The following ULK2 variants were observed in gnomAD, a reference collection of about 807,000 sequenced individuals.
ULK2 encodes the protein serine/threonine-protein kinase ULK2.
Under a neutral mutation model 127.5 loss-of-function variants are expected in ULK2, and 76 were observed. The observed-to-expected ratio is 0.60, with a 90% CI of 0.50 to 0.72. ULK2 has a LOEUF of 0.72. Ranked by LOEUF, ULK2 falls within the 30% of genes least tolerant of loss-of-function variation. The pLI is 0.00. For missense variants in ULK2, 1,144 were observed against 1,295.9 expected (o/e 0.88, Z 1.80); for synonymous variants, 452 against 461.9 (o/e 0.98, Z 0.28).
At chr17:19,822,832 G>C (rs539926277) in intron 12 of ULK2, among the ~76,000 whole-genome samples, 32 of 152,032 alleles carry the variant, frequency 2.1e-4, no homozygotes, top group African/African-American at 7.2e-4. Context: ...GACTACAGGC[G>C]CGTGCCACCA....
intron 10 of ULK2, among the ~76,000 whole-genome samples, chr17:19,827,825 G>A (rs183477121): frequency 6.2e-4 from 94 of 151,964 alleles, no homozygotes; most frequent in Admixed American, 3.0e-3. Flanking sequence ...CAGGGGAATC[G>A]CTTGAACCCG....
chr17:19,806,234 A>T (rs1344191069), intron 14 of ULK2, among the ~76,000 whole-genome samples: 1 of 152,082 alleles, frequency 6.6e-6, no homozygotes, highest in Non-Finnish European at 1.5e-5. Context: ...AGAATGTGAA[A>T]GAATAAATGC....
At chr17:19,818,790 CTTTT>C (rs1567699786) in intron 12 of ULK2, among the ~76,000 whole-genome samples, 2 of 126,204 alleles carry the variant, frequency 1.6e-5, no homozygotes, top group East Asian at 2.3e-4. Context: ...CATTTCTTTT[CTTTT>C]TTCTTTTTTT....
chr17:19,824,983 T>G, intron 12 of ULK2, 111 bp downstream of exon 12: 1 of 1,040,932 alleles, frequency 9.6e-7, no homozygotes, highest in Non-Finnish European at 1.4e-6. Flanking sequence ...CTCAGCTACA[T>G]TAGTAAACAT....
intron 10 of ULK2, among the ~76,000 whole-genome samples, chr17:19,826,838 T>C (rs1185347443): frequency 6.6e-6 from 1 of 151,776 alleles, no homozygotes; most frequent in Non-Finnish European, 1.5e-5. Flanking sequence ...GCGCCTGTAG[T>C]CCCAGCTACT....
At chr17:19,802,443 T>C (rs1053435676) in intron 15 of ULK2, among the ~76,000 whole-genome samples, 1 of 152,176 alleles carries the variant, frequency 6.6e-6, no homozygotes, top group African/African-American at 2.4e-5. Flanking sequence ...TATAAGATTA[T>C]GAAAAATAAG....
intron 12 of ULK2, among the ~76,000 whole-genome samples, chr17:19,824,558 G>C (rs968470202): frequency 6.6e-6 from 1 of 151,478 alleles, no homozygotes; most frequent in Non-Finnish European, 1.5e-5. Context: ...AGATGGGAGG[G>C]AACACAGCCA....
chr17:19,776,393 C>T lies in ULK2; in HGVS notation c.3067G>A (p.Glu1023Lys). 1.9e-6 allele frequency: 3 copies of T among 1,600,910 alleles called. No individual in the cohort carries two copies. Among genetic ancestry groups the T allele is most frequent in the South Asian group, 1.1e-5 (1 of 88,524 alleles). ...TGGCAGAGCGCCGACAGTCTTCTCT[C>T]AATACTACATTTATCTAGAAATAAA... ...ENVHKYKCSI[E>K]RRLSALCHST... The change falls in exon 27 of 27, where the codon GAG becomes AAG. Residue 1023 changes from glutamate to lysine, a missense_variant. This residue lies in a region of ULK2 where 913 missense variants were observed against 970.5 expected (regional missense o/e 0.94). Coordinates refer to ENST00000395544, the MANE Select transcript of ULK2 (RefSeq NM_014683.4).
At chr17:19,846,361 CAGGTGTGG>C (rs1399396765) in intron 6 of ULK2, among the ~76,000 whole-genome samples, 1 of 152,118 alleles carries the variant, frequency 6.6e-6, no homozygotes, top group Admixed American at 6.5e-5. Flanking sequence ...ATCATCTGGC[CAGGTGTGG>C]AGGCTCAAAC....
At chr17:19,839,672 A>G (rs2041690317) in intron 9 of ULK2, among the ~76,000 whole-genome samples, 1 of 151,852 alleles carries the variant, frequency 6.6e-6, no homozygotes, top group Non-Finnish European at 1.5e-5. Context: ...AAAAAAAAAA[A>G]AAAAGAAAGA....
intron 24 of ULK2, 71 bp downstream of exon 24, chr17:19,780,915 C>T: frequency 7.3e-7 from 1 of 1,371,540 alleles, no homozygotes; most frequent in South Asian, 1.2e-5. Flanking sequence ...ATCAGACACT[C>T]TCTCACAGTG....
rs139571313 is a variant in ULK2 at position 19,795,713 on chromosome 17, G to A, written c.2010C>T (p.Thr670=). Residue 670 remains threonine (T), a synonymous_variant, in exon 20 of 27, where the codon ACC becomes ACT. Coordinates refer to ENST00000395544, the MANE Select transcript of ULK2 (RefSeq NM_014683.4). ...TTCCTTGTTGATCTGATAACTTCCC[G>A]GTACTGACAGATCTAAAAAGAATAG... ...SKAVFGRSVS[T]GKLSDQQGKT... 4.6e-5 allele frequency: 74 copies of A among 1,613,486 alleles called. No individual in the cohort carries two copies. The highest frequency in any genetic ancestry group is 1.6e-4 in the Middle Eastern group (1 of 6,082).
Position 19,841,510 on chromosome 17 carries a change from T to C in ULK2, c.683A>G (p.Lys228Arg), listed in dbSNP as rs758924461. The change falls in exon 9 of 27, where the codon AAA (lysine) becomes AGA (arginine). Residue 228 changes from lysine to arginine, a missense_variant. Lys to Arg is a conservative substitution (Grantham distance 26, BLOSUM62 2). This residue lies in a region of ULK2 where 231 missense variants were observed against 325.4 expected (regional missense o/e 0.71). Coordinates refer to ENST00000395544, the MANE Select transcript of ULK2 (RefSeq NM_014683.4). ...ATACCTAGGCATTAAGCTCCTGTTT[T>C]TTTCATAAAACATCCTTAAGTCTTG... Reference protein sequence around the residue: ...SPQDLRMFYEKNRSLMPSIPR... With the variant: ...SPQDLRMFYERNRSLMPSIPR... The C allele has an allele frequency of 1.9e-6, 3 of 1,594,234 alleles. No individual in the cohort carries two copies. In the South Asian group the frequency reaches 3.5e-5, roughly 19 times the overall value.
At chr17:19,840,813 C>T (rs1010854165) in intron 9 of ULK2, among the ~76,000 whole-genome samples, 1 of 151,592 alleles carries the variant, frequency 6.6e-6, no homozygotes, top group African/African-American at 2.4e-5. Flanking sequence ...CACTTGAACT[C>T]GGGAGGGGGA....
intron 10 of ULK2, among the ~76,000 whole-genome samples, chr17:19,832,515 C>T (rs1258391997): frequency 2.6e-5 from 4 of 152,078 alleles, no homozygotes; most frequent in Admixed American, 1.3e-4. Context: ...CTGCCCATCT[C>T]GGCCTCCCAA....
chr17:19,771,490 G>GC lies in ULK2; in HGVS notation c.*4858dup, dbSNP rs1361980811. ...GGAGAGAGCCCTGAAGACAGGCCTT[G>GC]CCCCACACAAACACAGAACAAATTG... On this transcript the variant is annotated 3_prime_UTR_variant, in exon 27 of 27. Coordinates refer to ENST00000395544, the MANE Select transcript of ULK2 (RefSeq NM_014683.4). 3 of 152,274 alleles carry GC rather than the reference G, an allele frequency of 2.0e-5. No individual in the cohort carries two copies. Among genetic ancestry groups the GC allele is most frequent in the Non-Finnish European group, 4.4e-5 (3 of 68,128 alleles). The allele number at this position is 152,274 out of a possible 1,614,324, so 9.4% of individuals were successfully genotyped here.
intron 4 of ULK2, 69 bp from the exon 5 acceptor site, chr17:19,849,474 T>C (rs1486920817): frequency 1.9e-5 from 27 of 1,430,426 alleles, no homozygotes; most frequent in East Asian, 4.7e-5. Context: ...CCATTCTCAA[T>C]TGTGATTAAA....
At chr17:19,825,838 T>C (rs1036481859) in intron 11 of ULK2, among the ~76,000 whole-genome samples, 2 of 150,418 alleles carry the variant, frequency 1.3e-5, no homozygotes, top group African/African-American at 4.9e-5. Flanking sequence ...AATACAAAAT[T>C]AGCCGGGCAT....
chr17:19,833,321 C>T (rs150633383), intron 10 of ULK2, among the ~76,000 whole-genome samples: 4 of 151,824 alleles, frequency 2.6e-5, no homozygotes, highest in Admixed American at 1.3e-4. Context: ...GTGAGGGGGC[C>T]AAATGTTGAA....
Sources: allele counts gnomAD v4.1 joint callset (sites outside exome capture counted in the v4.1 genomes callset), GRCh38; gene constraint gnomAD v4.1.1; regional missense constraint gnomAD v4.1.1; transcripts MANE v1.5; gene names NCBI Gene and HGNC (gene_info 2026-07-23, HGNC 2026-07-21).